Variants in MARCHF3 observed in about 807,000 individuals in gnomAD.
MARCHF3 encodes E3 ubiquitin-protein ligase MARCHF3.
In MARCHF3, 13 loss-of-function variants were observed where a neutral mutation model predicts 24.2. The observed-to-expected ratio is 0.54, with a 90% CI of 0.35 to 0.85. The LOEUF (loss-of-function observed/expected upper bound fraction) is 0.85. MARCHF3 is among the 40% of genes least tolerant of loss of function. MARCHF3 has a pLI of 0.01. For synonymous variants in MARCHF3, 144 were observed against 137.3 expected (o/e 1.05, Z -0.34); for missense variants, 276 against 325.0 (o/e 0.85, Z 1.16).
At chr5:127,010,309 A>C (rs1354166138) in intron 1 of MARCHF3, among the ~76,000 whole-genome samples, 1 of 152,228 alleles carries the variant, frequency 6.6e-6, no homozygotes, top group African/African-American at 2.4e-5. Flanking sequence ...AAGGACAACC[A>C]AAATCAACCT....
At chr5:126,884,651 C>T (rs1330962844) in intron 3 of MARCHF3, among the ~76,000 whole-genome samples, 1 of 152,186 alleles carries the variant, frequency 6.6e-6, no homozygotes, top group Non-Finnish European at 1.5e-5. Context: ...TGTGTCTTTC[C>T]TCCTGGGCTA....
At chr5:127,009,865 G>A (rs1752424044) in intron 1 of MARCHF3, among the ~76,000 whole-genome samples, 1 of 152,198 alleles carries the variant, frequency 6.6e-6, no homozygotes, top group Non-Finnish European at 1.5e-5. Flanking sequence ...GTAACCTGGT[G>A]AGTATTATCC....
At chr5:126,912,836 C>T (rs541524304) in intron 3 of MARCHF3, among the ~76,000 whole-genome samples, 1 of 152,342 alleles carries the variant, frequency 6.6e-6, no homozygotes, top group East Asian at 1.9e-4. Context: ...GGAAGGTTTG[C>T]CTTTCACTTT....
chr5:126,996,404 G>A (rs529902540), intron 1 of MARCHF3, among the ~76,000 whole-genome samples: 1 of 152,140 alleles, frequency 6.6e-6, no homozygotes, highest in African/African-American at 2.4e-5. Flanking sequence ...TGAGTCACTT[G>A]TACTTGCTAT....
At chr5:126,891,274 C>T (rs1289297185) in intron 3 of MARCHF3, among the ~76,000 whole-genome samples, 1 of 151,084 alleles carries the variant, frequency 6.6e-6, no homozygotes, top group African/African-American at 2.4e-5. Flanking sequence ...TTTTGCTGTG[C>T]AGAAGCTCTT....
At chr5:126,987,471 T>C (rs940778877) in intron 1 of MARCHF3, among the ~76,000 whole-genome samples, 4 of 152,242 alleles carry the variant, frequency 2.6e-5, no homozygotes, top group African/African-American at 9.6e-5. Flanking sequence ...ACTGAATTTC[T>C]GGCATGTCTG....
rs531605166 is a variant in MARCHF3 at position 126,990,605 on chromosome 5, C to G, written c.-57+39745G>C. Among the ~76,000 whole-genome samples the G allele has an allele frequency of 4.9e-4, 75 of 152,258 alleles. 1 individual carries two copies. The South Asian group carries it at 0.013, about 26-fold the overall frequency. ...CAAAAGAAACTACCATCAGAGTGAACAGGCAACCTAGAGAATGGGAGAAAA... is the reference window on the plus strand; with the variant it reads ...CAAAAGAAACTACCATCAGAGTGAAGAGGCAACCTAGAGAATGGGAGAAAA... On this transcript the variant is annotated intron_variant, in intron 1 of 4. Transcript: ENST00000308660.
chr5:126,929,175 G>A (rs1749398271), intron 1 of MARCHF3, among the ~76,000 whole-genome samples: 1 of 152,316 alleles, frequency 6.6e-6, no homozygotes, highest in Non-Finnish European at 1.5e-5. Context: ...CTAGAGCCCT[G>A]TCCTAATCTC....
At chr5:127,001,553 T>C (rs1752127898) in intron 1 of MARCHF3, among the ~76,000 whole-genome samples, 1 of 152,174 alleles carries the variant, frequency 6.6e-6, no homozygotes, top group African/African-American at 2.4e-5. Flanking sequence ...TCAGGAGTCA[T>C]ATTTGCTTCC....
intron 1 of MARCHF3, among the ~76,000 whole-genome samples, chr5:126,943,681 A>T (rs1167619136): frequency 5.9e-5 from 9 of 152,114 alleles, no homozygotes; most frequent in Non-Finnish European, 1.2e-4. Context: ...CCTTATAATG[A>T]TCCTCTCAAG....
intron 1 of MARCHF3, among the ~76,000 whole-genome samples, chr5:126,932,798 G>T (rs926738161): frequency 6.6e-6 from 1 of 152,152 alleles, no homozygotes; most frequent in Non-Finnish European, 1.5e-5. Context: ...TCCTCCCCAG[G>T]TTTTCCCAAG....
At position 126,895,414 on chromosome 5, in the gene MARCHF3, GTTCTGTTTTTTTCCCCA is replaced by G. The variant is rs1178236794; in HGVS notation, c.394-17037_394-17021del. On this transcript the variant is annotated intron_variant, in intron 3 of 4. Transcript: ENST00000308660. ...CTTTTTTAGAGTTTCCAGTTTTTCT[GTTCTGTTTTTTTCCCCA>G]TCTTTGTGGTTTTATCTACTTTTGG... Among the ~76,000 whole-genome samples, 20 of 152,074 alleles carry G rather than the reference GTTCTGTTTTTTTCCCCA, an allele frequency of 1.3e-4. 1 individual carries two copies. The highest frequency in any genetic ancestry group is 4.8e-4 in the African/African-American group (20 of 41,382).
chr5:127,002,991 A>G (rs1459636450), intron 1 of MARCHF3, among the ~76,000 whole-genome samples: 1 of 152,212 alleles, frequency 6.6e-6, no homozygotes, highest in Non-Finnish European at 1.5e-5. Flanking sequence ...GAGGACAGGA[A>G]AGCAACAATC....
At chr5:126,992,259 T>G (rs1374017134) in intron 1 of MARCHF3, among the ~76,000 whole-genome samples, 1 of 151,914 alleles carries the variant, frequency 6.6e-6, no homozygotes, top group African/African-American at 2.4e-5. Context: ...TTAGTCTTTA[T>G]CATTCTGTCC....
intron 1 of MARCHF3, among the ~76,000 whole-genome samples, chr5:126,984,737 C>T (rs1455740185): frequency 2.6e-5 from 4 of 152,148 alleles, no homozygotes; most frequent in African/African-American, 9.7e-5. Context: ...ATTATGAACC[C>T]CAGGTCCAGA....
intron 1 of MARCHF3, among the ~76,000 whole-genome samples, chr5:126,955,896 C>T (rs1750421423): frequency 6.6e-6 from 1 of 152,102 alleles, no homozygotes; most frequent in Non-Finnish European, 1.5e-5. Context: ...AGATATTTGC[C>T]TGCATTTCTT....
intron 1 of MARCHF3, among the ~76,000 whole-genome samples, chr5:127,007,559 G>A (rs1752349910): frequency 6.6e-6 from 1 of 152,052 alleles, no homozygotes; most frequent in Admixed American, 6.6e-5. Flanking sequence ...ATGATAGTAG[G>A]TATAAATCTA....
intron 1 of MARCHF3, among the ~76,000 whole-genome samples, chr5:126,939,222 T>C (rs566321224): frequency 2.8e-4 from 42 of 152,296 alleles, no homozygotes; most frequent in African/African-American, 9.4e-4. Context: ...CCCCACCCCC[T>C]TGAGTATGCC....
intron 1 of MARCHF3, among the ~76,000 whole-genome samples, 174 bp from the exon 2 acceptor site, chr5:126,918,401 C>G (rs1230459236): frequency 6.6e-6 from 1 of 151,900 alleles, no homozygotes; most frequent in Admixed American, 6.6e-5. Context: ...CACACACACA[C>G]AGAGCCCACA....
Sources: gnomAD v4.1 joint callset for allele counts (sites outside exome capture counted in the v4.1 genomes callset) on GRCh38, gnomAD v4.1.1 for gene constraint, MANE v1.5 for transcripts, NCBI Gene and HGNC (gene_info 2026-07-23, HGNC 2026-07-21) for gene names.